ATP1B3: variants seen among roughly 807,000 people sequenced by gnomAD.
ATP1B3 encodes sodium/potassium-transporting ATPase subunit beta-3.
In ATP1B3, 10 loss-of-function variants were observed where a neutral mutation model predicts 30.2. The observed-to-expected ratio is 0.33, with a 90% CI of 0.20 to 0.56. The LOEUF (loss-of-function observed/expected upper bound fraction) is 0.56. Among genes scored for constraint, ATP1B3 ranks in the 20% least tolerant of loss-of-function variants. The probability of loss-of-function intolerance (pLI) is 0.90; values close to 1 mark genes in which losing one functional copy is unlikely to be tolerated. For synonymous variants in ATP1B3, 113 were observed against 117.0 expected (o/e 0.97, Z 0.22); for missense variants, 238 against 336.7 (o/e 0.71, Z 2.29).
At chr3:141,913,360 GCAGAAGGCATT>G (rs1444789284) in intron 3 of ATP1B3, among the ~76,000 whole-genome samples, 1 of 152,144 alleles carries the variant, frequency 6.6e-6, no homozygotes, top group African/African-American at 2.4e-5. Flanking sequence ...CACCAAGCAT[GCAGAAGGCATT>G]CAGATAATGC....
At chr3:141,879,888 G>T (rs968921111) in intron 1 of ATP1B3, among the ~76,000 whole-genome samples, 4 of 43,076 alleles carry the variant, frequency 9.3e-5, no homozygotes, top group Non-Finnish European at 1.9e-4. Context: ...TTGTCTTTTT[G>T]ACTTTTTTTA....
At chr3:141,918,532 G>A (rs890531995) in intron 5 of ATP1B3, among the ~76,000 whole-genome samples, 5 of 150,974 alleles carry the variant, frequency 3.3e-5, no homozygotes, top group African/African-American at 7.3e-5. Flanking sequence ...TTTGCCTCCC[G>A]GGTTCAAGCG....
intron 5 of ATP1B3, 87 bp from the exon 6 acceptor site, chr3:141,921,890 C>A: frequency 1.5e-6 from 1 of 672,610 alleles, no homozygotes; most frequent in Non-Finnish European, 2.4e-6. Context: ...GCAAACTGTT[C>A]ATGATTGATA....
chr3:141,917,917 G>A (rs1264349100), intron 5 of ATP1B3, among the ~76,000 whole-genome samples: 6 of 151,632 alleles, frequency 4.0e-5, no homozygotes, highest in East Asian at 2.0e-4. Context: ...ACAGGCGACC[G>A]CCACCACGCC....
At chr3:141,923,859 G>T (rs980768200) in intron 6 of ATP1B3, among the ~76,000 whole-genome samples, 6 of 152,186 alleles carry the variant, frequency 3.9e-5, no homozygotes, top group Non-Finnish European at 5.9e-5. Flanking sequence ...TTAAATATAG[G>T]TTGTGCATTT....
intron 3 of ATP1B3, among the ~76,000 whole-genome samples, chr3:141,913,038 G>A (rs1934392990): frequency 6.6e-6 from 1 of 152,018 alleles, no homozygotes; most frequent in Non-Finnish European, 1.5e-5. Context: ...CATTTTAGTG[G>A]ATTGTTAATT....
intron 6 of ATP1B3, 40 bp downstream of exon 6, chr3:141,922,103 G>A: frequency 7.8e-7 from 1 of 1,277,124 alleles, no homozygotes; most frequent in East Asian, 2.5e-5. Flanking sequence ...TTACTCTTTT[G>A]GGAAGCTGGA....
At chr3:141,886,824 C>T (rs1038925647) in intron 1 of ATP1B3, among the ~76,000 whole-genome samples, 1 of 152,000 alleles carries the variant, frequency 6.6e-6, no homozygotes. Context: ...ATAAGGAGAC[C>T]CCATCTCTAC....
intron 2 of ATP1B3, among the ~76,000 whole-genome samples, chr3:141,904,263 A>G (rs1296840049): frequency 2.0e-5 from 3 of 150,518 alleles, no homozygotes; most frequent in Non-Finnish European, 4.4e-5. Context: ...ATACTGATAA[A>G]TCTTGAGAGT....
chr3:141,910,686 A>G (rs909329889), intron 3 of ATP1B3, among the ~76,000 whole-genome samples: 1 of 151,816 alleles, frequency 6.6e-6, no homozygotes. Context: ...TACTGTTTCT[A>G]CATCAGCCTT....
intron 3 of ATP1B3, among the ~76,000 whole-genome samples, chr3:141,912,481 T>A (rs1294185925): frequency 6.6e-6 from 1 of 152,026 alleles, no homozygotes; most frequent in African/African-American, 2.4e-5. Context: ...CAGGCTGGTC[T>A]TGAACTCTTC....
chr3:141,911,153 G>A (rs1287138535), intron 3 of ATP1B3, among the ~76,000 whole-genome samples: 1 of 151,970 alleles, frequency 6.6e-6, no homozygotes, highest in African/African-American at 2.4e-5. Context: ...TTACCACTTT[G>A]ATAATTTCCT....
chr3:141,899,913 C>T (rs1934131512), intron 1 of ATP1B3, among the ~76,000 whole-genome samples: 1 of 152,064 alleles, frequency 6.6e-6, no homozygotes, highest in Admixed American at 6.6e-5. Context: ...CAACTGTAGT[C>T]CCAACTTCTC....
intron 2 of ATP1B3, among the ~76,000 whole-genome samples, chr3:141,905,395 A>C (rs1318324760): frequency 1.3e-5 from 2 of 152,222 alleles, no homozygotes; most frequent in East Asian, 3.8e-4. Flanking sequence ...CCTACAGTGC[A>C]TAGGGCAACC....
At chr3:141,877,195 C>T (rs550369866) in intron 1 of ATP1B3, among the ~76,000 whole-genome samples, 1,632 of 151,496 alleles carry the variant, frequency 0.011, 11 homozygotes, top group Non-Finnish European at 0.016. Context: ...GCTGCCCGGG[C>T]CTCCCGCCCG....
chr3:141,923,644 T>A (rs1319822996), intron 6 of ATP1B3, among the ~76,000 whole-genome samples: 2 of 152,248 alleles, frequency 1.3e-5, no homozygotes, highest in Non-Finnish European at 2.9e-5. Context: ...TTGTTGAAAA[T>A]CCATCAATTG....
chr3:141,887,890 G>C (rs1018417199), intron 1 of ATP1B3, among the ~76,000 whole-genome samples: 2 of 152,208 alleles, frequency 1.3e-5, no homozygotes, highest in Non-Finnish European at 2.9e-5. Flanking sequence ...AACGGTGGTT[G>C]CCTTTAGGGC....
rs7622417 is a variant in ATP1B3, at chr3:141,907,157, G to C, written c.239-10G>C. On this transcript the variant is annotated splice_polypyrimidine_tract_variant and intron_variant, in intron 2 of 6. Coordinates refer to ENST00000286371, the MANE Select transcript of ATP1B3 (RefSeq NM_001679.4). Reference sequence around the variant, plus strand: ...AAATTTGATAATCTCTCCCTTTTATGTCTTTATAGGACTCATGGTTTTTCC... The same window carrying C: ...AAATTTGATAATCTCTCCCTTTTATCTCTTTATAGGACTCATGGTTTTTCC... The C allele has an allele frequency of 0.51, 809,191 of 1,577,072 alleles. 211,985 individuals carry two copies. The highest frequency in any genetic ancestry group is 0.8 in the African/African-American group (58,979 of 73,458).
intron 1 of ATP1B3, among the ~76,000 whole-genome samples, chr3:141,895,118 T>A (rs959265122): frequency 1.3e-5 from 2 of 152,050 alleles, no homozygotes; most frequent in Admixed American, 1.3e-4. Flanking sequence ...CTTTATGTTT[T>A]TTTTGGGGGG....
Sources: allele counts gnomAD v4.1 joint callset (sites outside exome capture counted in the v4.1 genomes callset), GRCh38; gene constraint gnomAD v4.1.1; transcripts MANE v1.5; gene names NCBI Gene and HGNC (gene_info 2026-07-23, HGNC 2026-07-21).